CGREF1: variants seen among roughly 807,000 people sequenced by gnomAD.
The protein encoded by CGREF1 is cell growth regulator with EF-hand domain 1, also known as cell growth regulator with EF hand domain protein 1.
CGREF1 carries 16 observed loss-of-function variants against 17.4 expected under a neutral mutation model. The ratio of observed to expected loss-of-function variants is 0.92; its 90% confidence interval spans 0.62 to 1.40. CGREF1 has a LOEUF of 1.40. Ranked by LOEUF, CGREF1 falls within the 40% of genes most tolerant of loss-of-function variation. CGREF1 has a pLI of 0.00. For missense variants in CGREF1, 296 were observed against 376.4 expected, an observed-to-expected ratio of 0.79 and a Z score of 1.77; for synonymous variants, 142 against 154.6, an observed-to-expected ratio of 0.92 and a Z score of 0.61.
intron 1 of CGREF1, among the ~76,000 whole-genome samples, chr2:27,116,918 T>TCTC (rs1671604632): frequency 1.2e-5 from 1 of 81,526 alleles, no homozygotes; most frequent in Non-Finnish European, 2.6e-5. Context: ...TCTCTCTCTC[T>TCTC]CTCTCTTTTT....
intron 1 of CGREF1, among the ~76,000 whole-genome samples, chr2:27,112,843 C>T (rs1379700850): frequency 6.6e-6 from 1 of 152,152 alleles, no homozygotes; most frequent in East Asian, 1.9e-4. Flanking sequence ...AAATCACGTT[C>T]GAGGAGACAA....
At position 27,102,575 on chromosome 2, in the gene CGREF1, G is replaced by C. The variant is rs781544644; in HGVS notation, c.97C>G (p.Gln33Glu). The stretch of plus-strand genomic sequence containing the variant: ...AAGGGGTTGGGCAGGAGCTGATGCT[G>C]CACTTCAGAGTCTGGCCTGGAGGAG... ...DGVTRPDSEV[Q>E]HQLLPNPFQP... Residue 33 changes from glutamine to glutamate, a missense_variant, in exon 3 of 6, where the codon CAG becomes GAG. Physicochemically the swap from Gln to Glu is conservative, Grantham distance 29. Transcript: ENST00000402394. 1.9e-6 allele frequency: 3 copies of C among 1,612,824 alleles called. No individual in the cohort carries two copies. Among genetic ancestry groups the C allele is most frequent in the Non-Finnish European group, 2.5e-6 (3 of 1,179,818 alleles).
intron 1 of CGREF1, among the ~76,000 whole-genome samples, chr2:27,116,359 T>A (rs564748864): frequency 4.0e-5 from 6 of 151,768 alleles, no homozygotes; most frequent in African/African-American, 1.4e-4. Context: ...AAACCCCATC[T>A]CTACTAAAAA....
At chr2:27,112,491 C>G (rs184219802) in intron 1 of CGREF1, among the ~76,000 whole-genome samples, 1 of 152,254 alleles carries the variant, frequency 6.6e-6, no homozygotes, top group East Asian at 1.9e-4. Context: ...TGAGTATTAA[C>G]CTTTACTGCT....
At chr2:27,099,770 A>AGC (rs1558454135), downstream of CGREF1, 11 of 1,552,142 alleles carry the variant, frequency 7.1e-6, no homozygotes, top group East Asian at 2.2e-4. Context: ...CCGGCTCCTC[A>AGC]CACACCATGG....
Position 27,100,630 on chromosome 2 carries a change from C to G in CGREF1, c.*644G>C. ...CTGCCATTTAATTAGCTGCATATCA[C>G]CTTAGGGTACAGCACTTAACGCAAT... On this transcript the variant is annotated 3_prime_UTR_variant, in exon 6 of 6. Transcript: ENST00000402394. 3.5e-6 allele frequency: 4 copies of G among 1,147,724 alleles called. No homozygotes were observed. The highest frequency in any genetic ancestry group is 4.6e-6 in the Non-Finnish European group (4 of 873,340). The allele number at this position is 1,147,724 out of a possible 1,614,324, so 71.1% of individuals were successfully genotyped here.
chr2:27,113,635 C>T (rs12470752), intron 1 of CGREF1, among the ~76,000 whole-genome samples: 27,090 of 152,150 alleles, frequency 0.18, 3,042 homozygotes, highest in Admixed American at 0.31. Context: ...ATCTGGGCTC[C>T]GCAGCCCACT....
intron 1 of CGREF1, chr2:27,104,658 CT>C: frequency 6.4e-7 from 1 of 1,550,592 alleles, no homozygotes; most frequent in Non-Finnish European, 8.7e-7. Context: ...GCCCCATTCC[CT>C]TGCTCCCCAC....
chr2:27,116,916 TC>T (rs1558466972), intron 1 of CGREF1, among the ~76,000 whole-genome samples: 1,932 of 85,626 alleles, frequency 0.023, 152 homozygotes, highest in African/African-American at 0.07. Flanking sequence ...TCTCTCTCTC[TC>T]TCTCTCTTTT....
At chr2:27,111,652 C>T (rs1671390247) in intron 1 of CGREF1, among the ~76,000 whole-genome samples, 1 of 152,202 alleles carries the variant, frequency 6.6e-6, no homozygotes, top group Non-Finnish European at 1.5e-5. Flanking sequence ...TCGAGCCCTG[C>T]CCCGCGGGGA....
At chr2:27,112,575 C>T (rs1279193916) in intron 1 of CGREF1, among the ~76,000 whole-genome samples, 1 of 152,034 alleles carries the variant, frequency 6.6e-6, no homozygotes, top group Non-Finnish European at 1.5e-5. Flanking sequence ...AACTCTGACC[C>T]AACAATATCG....
rs2148377795 is a variant in CGREF1, at chr2:27,101,426, CAT to C, written c.803_804del (p.Asp268GlyfsTer32). ...CCAGCTTCCCCTCTGGGCCCGGGGG[CAT>C]CTCCTTCAGCCTCTGCCTGGCCCCC... The part of the protein sequence containing the change: ...EAGGQAEAEG[D>X]APGPRGEAGG... On this transcript the variant is annotated frameshift_variant, in exon 6 of 6. Transcript: ENST00000402394. LOFTEE classifies it low-confidence loss of function (END_TRUNC). The C allele has an allele frequency of 1.9e-3, 2,926 of 1,562,464 alleles. No individual in the cohort carries two copies. Among genetic ancestry groups the C allele is most frequent in the East Asian group, 4.8e-3 (202 of 42,510 alleles).
In CGREF1 at chr2:27,100,850, A is replaced by AAC. The variant is rs1270591715; in HGVS notation, c.*422_*423dup. The AAC allele has an allele frequency of 1.2e-5, 13 of 1,093,904 alleles. No individual in the cohort carries two copies. Among genetic ancestry groups the AAC allele is most frequent in the Non-Finnish European group, 1.5e-5 (13 of 895,900 alleles). The allele number at this position is 1,093,904 out of a possible 1,614,324, so 67.8% of individuals were successfully genotyped here. On this transcript the variant is annotated 3_prime_UTR_variant, in exon 6 of 6. Coordinates refer to ENST00000402394, the MANE Select transcript of CGREF1 (RefSeq NM_006569.6). ...GCTGCAGGAGAGCATGGGGTGTCTG[A>AAC]ACACCAGGTGAGGGGGAACCGGTGA...
intron 1 of CGREF1, among the ~76,000 whole-genome samples, chr2:27,112,771 GA>G (rs1222133457): frequency 1.3e-5 from 2 of 152,062 alleles, no homozygotes; most frequent in African/African-American, 4.8e-5. Flanking sequence ...AGTTTAAAAG[GA>G]AAAAATGAGC....
intron 1 of CGREF1, among the ~76,000 whole-genome samples, chr2:27,114,710 A>G (rs1243942088): frequency 6.6e-6 from 1 of 152,094 alleles, no homozygotes; most frequent in Non-Finnish European, 1.5e-5. Context: ...TGGAGAACCC[A>G]CCTAGAAACA....
Position 27,100,745 on chromosome 2 carries a change from CAT to C in CGREF1, c.*527_*528del. The stretch of plus-strand genomic sequence containing the variant: ...ATAAAATCATATATAAAATGCCCAG[CAT>C]GATGCCTGATGTGTACAAGGCTCTC... On this transcript the variant is annotated 3_prime_UTR_variant, in exon 6 of 6. Coordinates refer to ENST00000402394, the MANE Select transcript of CGREF1 (RefSeq NM_006569.6). 1 of 1,155,466 alleles carries C rather than the reference CAT, an allele frequency of 8.7e-7. No homozygotes were observed. The highest frequency in any genetic ancestry group is 1.6e-5 in the South Asian group (1 of 62,184). 71.6% of individuals were successfully genotyped at this position (1,155,466 alleles called of 1,614,324 possible).
At chr2:27,104,512 G>T (rs1356552446) in intron 1 of CGREF1, 135 bp from the exon 2 acceptor site, 1 of 1,551,124 alleles carries the variant, frequency 6.4e-7, no homozygotes, top group African/African-American at 1.4e-5. Flanking sequence ...CCTGCTCAGG[G>T]AGGACTCACA....
At chr2:27,117,403 A>G (rs994915306) in intron 1 of CGREF1, among the ~76,000 whole-genome samples, 1 of 152,260 alleles carries the variant, frequency 6.6e-6, no homozygotes, top group Non-Finnish European at 1.5e-5. Context: ...CTGCCTGTCC[A>G]ATAAAAATGT....
In CGREF1 at chr2:27,103,458, C is replaced by T. The variant is rs147129001; in HGVS notation, c.80+829G>A. 5.8e-3 allele frequency among the ~76,000 whole-genome samples: 886 copies of T among 152,032 alleles called. 4 individuals carry two copies. Among genetic ancestry groups the T allele is most frequent in the South Asian group, 0.019 (93 of 4,820 alleles). On this transcript the variant is annotated intron_variant, in intron 2 of 5. Coordinates refer to ENST00000402394, the MANE Select transcript of CGREF1 (RefSeq NM_006569.6). The stretch of plus-strand genomic sequence containing the variant: ...CTTGATCTCGGCTCACTGCAACTTC[C>T]ACCTCCCGGGTTCAAGCGATTCTCT...
Sources: allele counts gnomAD v4.1 joint callset (sites outside exome capture counted in the v4.1 genomes callset), GRCh38; gene constraint gnomAD v4.1.1; transcripts MANE v1.5; gene names NCBI Gene and HGNC (gene_info 2026-07-23, HGNC 2026-07-21).